Variants in CBLN3 observed in about 807,000 individuals in gnomAD.
CBLN3 encodes the protein cerebellin-3.
CBLN3 carries 14 observed loss-of-function variants against 17.4 expected under a neutral mutation model. The ratio of observed to expected loss-of-function variants is 0.81; its 90% CI spans 0.53 to 1.26. The LOEUF is 1.26. CBLN3 is among the 50% of genes most tolerant of loss of function. The pLI is 0.00. For synonymous variants in CBLN3, 129 were observed against 117.4 expected (o/e 1.10, Z -0.64); for missense variants, 263 against 268.5 (o/e 0.98, Z 0.14).
At chr14:24,428,710 T>C in intron 1 of CBLN3, 45 bp downstream of exon 1, 1 of 1,529,450 alleles carries the variant, frequency 6.5e-7, no homozygotes, top group South Asian at 1.2e-5. Context: ...TTCCAGGTCC[T>C]TGCAGGGTCT....
At chr14:24,428,254 G>C (rs748118350) in intron 2 of CBLN3, 32 bp downstream of exon 2, 1 of 1,611,266 alleles carries the variant, frequency 6.2e-7, no homozygotes, top group African/African-American at 1.3e-5. Context: ...CCACCCTCCT[G>C]AGCCGGGGAT....
chr14:24,428,092 C>T lies in CBLN3; in HGVS notation c.421-106G>A, dbSNP rs117129998. ...GAAGCTGGGTTTTAATGGGCTCTCC[C>T]GGGAGGGCTGAGGGGCGGCCAGCAT... On this transcript the variant is annotated intron_variant, in intron 2 of 2. Transcript: ENST00000267406. 3.2e-4 allele frequency: 442 copies of T among 1,379,676 alleles called. 2 individuals are homozygous for T. In the East Asian group the frequency reaches 9.3e-3, roughly 29 times the overall value. The allele number at this position is 1,379,676 out of a possible 1,614,324, so 85.5% of individuals were successfully genotyped here.
rs1353647050 is a variant in CBLN3 at position 24,427,711 on chromosome 14, C to T, written c.*78G>A. The T allele has an allele frequency of 7.4e-7, 1 of 1,357,092 alleles. No homozygotes were observed. The highest frequency in any genetic ancestry group is 1.0e-6 in the Non-Finnish European group (1 of 955,198). 84.1% of individuals were successfully genotyped at this position (1,357,092 alleles called of 1,614,324 possible). ...GAGCCAGAGGGAGTCTCTCTCCTGC[C>T]TCTGCTGTTTCTGGGGCAAGAGAGG... is the stretch of plus-strand genomic sequence containing the variant. On this transcript the variant is annotated 3_prime_UTR_variant, in exon 3 of 3. Transcript: ENST00000267406. The surrounding 1 kb of genome is among the most constrained non-coding windows in gnomAD (Gnocchi z 4.4).
In CBLN3 at chr14:24,428,146, G is replaced by T; in HGVS notation, c.420+140C>A. The stretch of plus-strand genomic sequence containing the variant: ...ACTCTGCACATCCTCCACACTCAAT[G>T]CAAGGCAGGCCCATTCCTCCCCTGG... On this transcript the variant is annotated intron_variant, in intron 2 of 2. Transcript: ENST00000267406. The T allele has an allele frequency of 3.7e-6, 5 of 1,353,916 alleles. No homozygotes were observed. In the African/African-American group the frequency reaches 5.8e-5, roughly 16 times the overall value. 83.9% of individuals were successfully genotyped at this position (1,353,916 alleles called of 1,614,324 possible).
intron 1 of CBLN3, 43 bp downstream of exon 1, chr14:24,428,712 G>A: frequency 6.5e-7 from 1 of 1,529,632 alleles, no homozygotes; most frequent in South Asian, 1.2e-5. Context: ...CCAGGTCCTT[G>A]CAGGGTCTTT....
chr14:24,427,748 T>C lies in CBLN3; in HGVS notation c.*41A>G, dbSNP rs756921301. The C allele has an allele frequency of 6.3e-7, 1 of 1,594,494 alleles. No homozygotes were observed. The highest frequency in any genetic ancestry group is 8.6e-7 in the Non-Finnish European group (1 of 1,162,872). On this transcript the variant is annotated 3_prime_UTR_variant, in exon 3 of 3. Transcript: ENST00000267406. The surrounding 1 kb of genome is among the most constrained non-coding windows in gnomAD (Gnocchi z 4.4). ...TGGGGCAAGAGAGGGCAGAAGAAAG[T>C]TGTCAGGGGCTGGATTCTTGTGCTT... is the stretch of plus-strand genomic sequence containing the variant.
At position 24,426,634 on chromosome 14, in the gene CBLN3, C is replaced by A. The variant is rs2043022388; in HGVS notation, c.*1155G>T. The A allele has an allele frequency of 6.6e-6, 1 of 152,188 alleles. No homozygotes were observed. The highest frequency in any genetic ancestry group is 1.5e-5 in the Non-Finnish European group (1 of 68,040). 9.4% of individuals were successfully genotyped at this position (152,188 alleles called of 1,614,324 possible). On this transcript the variant is annotated 3_prime_UTR_variant, in exon 3 of 3. Transcript: ENST00000267406. ...ATCCAAACTCCAGAGGCATCTTCTC[C>A]TTAGTAATTCTATAGTGTCTCACTG...
At chr14:24,428,072 T>C in intron 2 of CBLN3, 86 bp from the exon 3 acceptor site, 1 of 1,422,862 alleles carries the variant, frequency 7.0e-7, no homozygotes, top group South Asian at 1.2e-5. Context: ...CTTGGGAAGC[T>C]GGGTTTTAAT....
In CBLN3 at chr14:24,428,921, C is replaced by T; in HGVS notation, c.134G>A (p.Cys45Tyr). 6.4e-7 allele frequency: 1 copy of T among 1,563,006 alleles called. No individual in the cohort carries two copies. Among genetic ancestry groups the T allele is most frequent in the South Asian group, 1.2e-5 (1 of 85,736 alleles). ...TCGGCCAGGCTCACAGACCACCAGG[C>T]ACTCCCCCTCCAGCAGGACGGGCTC... is the stretch of plus-strand genomic sequence containing the variant. ...GSEPVLLEGE[C>Y]LVVCEPGRAA... Residue 45 changes from cysteine (C) to tyrosine (Y), a missense_variant, in exon 1 of 3, where the codon TGC becomes TAC. Physicochemically the swap from Cys to Tyr is radical, Grantham distance 194. Transcript: ENST00000267406.
rs1451443111 is a variant in CBLN3, at chr14:24,428,945, T to G, written c.110A>C (p.Glu37Ala). 9.0e-6 allele frequency: 14 copies of G among 1,553,698 alleles called. No homozygotes were observed. The South Asian group carries it at 1.2e-4, about 13-fold the overall frequency. ...LGAGWAQEGS[E>A]PVLLEGECLV... is the part of the protein sequence containing the mutation. ...GCACTCCCCCTCCAGCAGGACGGGC[T>G]CTGACCCCTCCTGGGCCCACCCGGC... The change falls in exon 1 of 3, where the codon GAG becomes GCG. Residue 37 changes from glutamate to alanine, a missense_variant. Coordinates refer to ENST00000267406, the MANE Select transcript of CBLN3 (RefSeq NM_001039771.3).
chr14:24,428,653 T>C, intron 1 of CBLN3, 102 bp downstream of exon 1: 1 of 1,344,376 alleles, frequency 7.4e-7, no homozygotes, highest in Non-Finnish European at 1.0e-6. Context: ...TGTAGGAAGC[T>C]GTTTTCTTAA....
rs1201409675 is a variant in CBLN3 at position 24,429,047 on chromosome 14, C to T, written c.8G>A (p.Gly3Glu). The T allele has an allele frequency of 6.7e-7, 1 of 1,502,408 alleles. No homozygotes were observed. The highest frequency in any genetic ancestry group is 1.3e-5 in the South Asian group (1 of 79,616). 93.1% of individuals were successfully genotyped at this position (1,502,408 alleles called of 1,614,324 possible). The change falls in exon 1 of 3, where the codon GGA (glycine) becomes GAA (glutamate). Residue 3 changes from glycine to glutamate, a missense_variant. Transcript: ENST00000267406. Reference sequence around the variant, plus strand: ...ACCTGGTAGCCAGTGTGGCTTGGCTCCCAACATGGCTGAGGGGCTCTGCAA... The same window carrying T: ...ACCTGGTAGCCAGTGTGGCTTGGCTTCCAACATGGCTGAGGGGCTCTGCAA... ML[G>E]AKPHWLPGPL... is the part of the protein sequence containing the mutation.
Position 24,428,315 on chromosome 14 carries a change from C to G in CBLN3, c.391G>C (p.Val131Leu). 6.2e-7 allele frequency: 1 copy of G among 1,613,936 alleles called. No homozygotes were observed. ...RGVYSFRFHV[V>L]KVYNRQTVQV... ...ACAGTTTGGCGGTTGTACACCTTCA[C>G]CACATGGAACCGGAAGCTGTAGACA... is the stretch of plus-strand genomic sequence containing the variant. The change falls in exon 2 of 3, where the codon GTG (valine) becomes CTG (leucine). Residue 131 changes from valine (V) to leucine (L), a missense_variant. By Grantham distance (32) the Val-to-Leu change is conservative. Coordinates refer to ENST00000267406, the MANE Select transcript of CBLN3 (RefSeq NM_001039771.3).
At position 24,428,300 on chromosome 14, in the gene CBLN3, G is replaced by T. The variant is rs745600854; in HGVS notation, c.406C>A (p.Arg136Ser). The change falls in exon 2 of 3, where the codon CGC becomes AGC. Residue 136 changes from arginine to serine, a missense_variant. Arg to Ser is a moderately radical substitution (Grantham distance 110). Transcript: ENST00000267406. ...GCTGAGGTCACCTGGACAGTTTGGC[G>T]GTTGTACACCTTCACCACATGGAAC... Reference protein sequence around the residue: ...FRFHVVKVYNRQTVQVSLMLN... With the variant: ...FRFHVVKVYNSQTVQVSLMLN... The T allele has an allele frequency of 1.2e-6, 2 of 1,613,878 alleles. No homozygotes were observed. Among genetic ancestry groups the T allele is most frequent in the Non-Finnish European group, 1.7e-6 (2 of 1,179,920 alleles).
Position 24,428,786 on chromosome 14 carries a change from T to G in CBLN3, c.269A>C (p.Asn90Thr). 6.2e-7 allele frequency: 1 copy of G among 1,605,140 alleles called. No individual in the cohort carries two copies. Among genetic ancestry groups the G allele is most frequent in the Non-Finnish European group, 8.5e-7 (1 of 1,174,118 alleles). ...GAAGTAGATGGCCCCACTGGTGCCA[T>G]TGCCGGTTTCCCCTGCTGGCTCATG... ...HHHEPAGETG[N>T]GTSGAIYFDQ... Residue 90 changes from asparagine to threonine, a missense_variant, in exon 1 of 3, where the codon AAT (asparagine) becomes ACT (threonine). Asn to Thr is a moderately conservative substitution (Grantham distance 65). Coordinates refer to ENST00000267406, the MANE Select transcript of CBLN3 (RefSeq NM_001039771.3).
Position 24,427,465 on chromosome 14 carries a change from G to C in CBLN3, c.*324C>G. On this transcript the variant is annotated 3_prime_UTR_variant, in exon 3 of 3. Coordinates refer to ENST00000267406, the MANE Select transcript of CBLN3 (RefSeq NM_001039771.3). This position sits in a 1 kb window ranked among gnomAD's most constrained non-coding sequence, Gnocchi z 4.4. ...TCAGCATTGAGCAGGAAGCTGGGGT[G>C]GGGGAACCGGAGGAGCAGAGGCCGC... 3.2e-6 allele frequency: 1 copy of C among 315,146 alleles called. No individual in the cohort carries two copies. The highest frequency in any genetic ancestry group is 4.5e-5 in the Admixed American group (1 of 22,028). The allele number at this position is 315,146 out of a possible 1,614,324, so 19.5% of individuals were successfully genotyped here.
In CBLN3 at chr14:24,427,407, C is replaced by T; in HGVS notation, c.*382G>A. On this transcript the variant is annotated 3_prime_UTR_variant, in exon 3 of 3. Coordinates refer to ENST00000267406, the MANE Select transcript of CBLN3 (RefSeq NM_001039771.3). This position sits in a 1 kb window ranked among gnomAD's most constrained non-coding sequence, Gnocchi z 4.4. ...TTGTCCATCTGGGCTCCTGTGGGGGCCTGTCAGGCTCACCTGCGCCACCTG... is the reference window on the plus strand; with the variant it reads ...TTGTCCATCTGGGCTCCTGTGGGGGTCTGTCAGGCTCACCTGCGCCACCTG... 4.5e-6 allele frequency: 1 copy of T among 223,758 alleles called. No homozygotes were observed. Among genetic ancestry groups the T allele is most frequent in the Non-Finnish European group, 9.0e-6 (1 of 111,470 alleles). 13.9% of individuals were successfully genotyped at this position (223,758 alleles called of 1,614,324 possible).
chr14:24,428,748 G>A lies in CBLN3; in HGVS notation c.300+7C>T. 1 of 1,575,688 alleles carries A rather than the reference G, an allele frequency of 6.3e-7. No homozygotes were observed. The highest frequency in any genetic ancestry group is 1.2e-5 in the South Asian group (1 of 84,382). The stretch of plus-strand genomic sequence containing the variant: ...CCAGGTCCCCTGGACAGGGGTAGGG[G>A]GATTACCTGGTCGAAGTAGATGGCC... On this transcript the variant is annotated splice_region_variant and intron_variant, in intron 1 of 2. Transcript: ENST00000267406.
intron 2 of CBLN3, 25 bp from the exon 3 acceptor site, chr14:24,428,011 C>T (rs2043038725): frequency 6.2e-7 from 1 of 1,604,834 alleles, no homozygotes; most frequent in Admixed American, 1.7e-5. Context: ...CCAGTTAGCC[C>T]CCATTCCCCA....
Sources: gnomAD v4.1 joint callset for allele counts on GRCh38, gnomAD v4.1.1 for gene constraint, Gnocchi (gnomAD v3.1) non-coding constraint, MANE v1.5 for transcripts, NCBI Gene and HGNC (gene_info 2026-07-23, HGNC 2026-07-21) for gene names.